LEPR: variants seen among roughly 807,000 people sequenced by gnomAD.
LEPR encodes leptin receptor.
In LEPR, 56 loss-of-function variants were observed where a neutral mutation model predicts 114.7. The ratio of observed to expected loss-of-function variants is 0.49; its 90% confidence interval spans 0.39 to 0.61. LEPR has a LOEUF of 0.61. LEPR is among the 20% of genes least tolerant of loss of function. The pLI, the probability that LEPR is intolerant of heterozygous loss-of-function variation, is 0.00. For missense variants in LEPR, 1,202 were observed against 1,352.9 expected, an observed-to-expected ratio of 0.89 and a Z score of 1.75; for synonymous variants, 443 against 461.4, an observed-to-expected ratio of 0.96 and a Z score of 0.51.
At chr1:65,459,103 G>A (rs1646913240) in intron 2 of LEPR, among the ~76,000 whole-genome samples, 1 of 152,206 alleles carries the variant, frequency 6.6e-6, no homozygotes, top group Non-Finnish European at 1.5e-5. Flanking sequence ...ATTCCTGTCT[G>A]TCTCCCAAAG....
intron 7 of LEPR, among the ~76,000 whole-genome samples, 156 bp downstream of exon 7, chr1:65,596,749 A>T (rs1201196005): frequency 1.3e-5 from 2 of 152,162 alleles, no homozygotes; most frequent in Admixed American, 6.6e-5. Flanking sequence ...TCATATATAG[A>T]TAGATATACG....
intron 2 of LEPR, among the ~76,000 whole-genome samples, chr1:65,480,694 T>C (rs1165522328): frequency 6.6e-6 from 1 of 152,068 alleles, no homozygotes; most frequent in Non-Finnish European, 1.5e-5. Context: ...AGGATATTTA[T>C]CCCCATTTTA....
chr1:65,598,808 G>A lies in LEPR; in HGVS notation c.994+4G>A, dbSNP rs1405277829. On this transcript the variant is annotated splice_donor_region_variant and intron_variant, in intron 8 of 19. Transcript: ENST00000349533. Reference sequence around the variant, plus strand: ...CCTCGTGTCTTTACCACACAAGGTAGGTTATGTAATAGCCACTTCTACTGG... The same window carrying A: ...CCTCGTGTCTTTACCACACAAGGTAAGTTATGTAATAGCCACTTCTACTGG... 2 of 1,613,000 alleles carry A rather than the reference G, an allele frequency of 1.2e-6. No homozygotes were observed. The highest frequency in any genetic ancestry group is 2.2e-5 in the East Asian group (1 of 44,874).
intron 15 of LEPR, among the ~76,000 whole-genome samples, chr1:65,617,273 A>G (rs1657584859): frequency 1.3e-5 from 2 of 152,178 alleles, no homozygotes; most frequent in South Asian, 4.1e-4. Context: ...TTATGAAAGG[A>G]ATGAAAAAAA....
chr1:65,540,822 C>G (rs1651139160), intron 2 of LEPR, among the ~76,000 whole-genome samples: 1 of 151,962 alleles, frequency 6.6e-6, no homozygotes, highest in Non-Finnish European at 1.5e-5. Flanking sequence ...AGGGAAAGAT[C>G]AGTTTGTTCA....
intron 2 of LEPR, among the ~76,000 whole-genome samples, chr1:65,437,073 T>C (rs1054907139): frequency 3.9e-5 from 6 of 152,202 alleles, no homozygotes; most frequent in African/African-American, 1.4e-4. Flanking sequence ...GCCTTGCCAT[T>C]TGTGGTTCCT....
intron 5 of LEPR, among the ~76,000 whole-genome samples, chr1:65,575,262 C>T (rs983317227): frequency 6.8e-6 from 1 of 147,640 alleles, no homozygotes; most frequent in African/African-American, 2.7e-5. Context: ...TTGCAGAGTT[C>T]CAGCCCCAGC....
chr1:65,490,953 G>A (rs1054770175), intron 2 of LEPR, among the ~76,000 whole-genome samples: 2 of 152,076 alleles, frequency 1.3e-5, no homozygotes, highest in Non-Finnish European at 2.9e-5. Flanking sequence ...GTGGAACACT[G>A]GATAACCCTC....
intron 4 of LEPR, among the ~76,000 whole-genome samples, chr1:65,571,407 T>A (rs775167745): frequency 3.9e-5 from 6 of 151,932 alleles, no homozygotes; most frequent in Non-Finnish European, 7.4e-5. Context: ...TAATGCATAC[T>A]GATTGTAGCT....
intron 16 of LEPR, among the ~76,000 whole-genome samples, chr1:65,619,502 C>G (rs1657742650): frequency 6.6e-6 from 1 of 151,960 alleles, no homozygotes; most frequent in Non-Finnish European, 1.5e-5. Flanking sequence ...TCCCAGCTAC[C>G]TTGAATGGAA....
At chr1:65,626,050 G>A (rs1254283171) in intron 19 of LEPR, 60 of 1,381,528 alleles carry the variant, frequency 4.3e-5, no homozygotes, top group Non-Finnish European at 5.8e-5. Context: ...GTTCAGGAGG[G>A]CCATGAAATG....
chr1:65,586,796 G>A (rs1655346796), intron 5 of LEPR, among the ~76,000 whole-genome samples: 2 of 151,872 alleles, frequency 1.3e-5, no homozygotes, highest in Admixed American at 6.6e-5. Context: ...TGTTGGCATG[G>A]TTACAGAAAG....
At chr1:65,502,176 A>T (rs1352171143) in intron 2 of LEPR, among the ~76,000 whole-genome samples, 1 of 152,158 alleles carries the variant, frequency 6.6e-6, no homozygotes, top group Non-Finnish European at 1.5e-5. Flanking sequence ...AGAGACAATT[A>T]AATTGAAATG....
chr1:65,425,468 C>A, intron 2 of LEPR, 90 bp downstream of exon 2: 1 of 1,104,170 alleles, frequency 9.1e-7, no homozygotes, highest in Non-Finnish European at 1.3e-6. Context: ...AATTTAGCAC[C>A]AAGTTCTAAC....
chr1:65,490,864 T>G (rs76331262), intron 2 of LEPR, among the ~76,000 whole-genome samples: 3,780 of 152,226 alleles, frequency 0.025, 169 homozygotes, highest in African/African-American at 0.087. Flanking sequence ...CTGATTGCGT[T>G]TCCCCAGTTT....
intron 2 of LEPR, among the ~76,000 whole-genome samples, chr1:65,552,809 G>A (rs1312203054): frequency 6.6e-6 from 1 of 152,164 alleles, no homozygotes; most frequent in Non-Finnish European, 1.5e-5. Context: ...TCTTCATAGT[G>A]TTGATGGTCT....
chr1:65,587,604 C>G (rs1195648288), intron 5 of LEPR, among the ~76,000 whole-genome samples: 3 of 151,980 alleles, frequency 2.0e-5, no homozygotes, highest in South Asian at 2.1e-4. Flanking sequence ...GATCCTATGG[C>G]TAATAAGCAA....
intron 1 of LEPR, among the ~76,000 whole-genome samples, chr1:65,423,478 C>A (rs1401120044): frequency 1.3e-5 from 2 of 152,062 alleles, no homozygotes; most frequent in African/African-American, 4.8e-5. Context: ...TTTGACAGGC[C>A]TCATGGAGGA....
At chr1:65,630,504 TG>T (rs1658473005) in intron 19 of LEPR, 2 of 151,926 alleles carry the variant, frequency 1.3e-5, no homozygotes, top group African/African-American at 4.8e-5. Flanking sequence ...TTATTTAATG[TG>T]GTTATTTTTT....
Sources: allele counts gnomAD v4.1 joint callset (sites outside exome capture counted in the v4.1 genomes callset), GRCh38; gene constraint gnomAD v4.1.1; transcripts MANE v1.5; gene names NCBI Gene and HGNC (gene_info 2026-07-23, HGNC 2026-07-21).